PRORP: variants seen among roughly 807,000 people sequenced by gnomAD.
PRORP encodes mitochondrial ribonuclease P catalytic subunit.
PRORP carries 51 observed loss-of-function variants against 59.4 expected under a neutral mutation model. The observed-to-expected ratio is 0.86, with a 90% CI of 0.69 to 1.08. The LOEUF (loss-of-function observed/expected upper bound fraction) is 1.08. Ranked by LOEUF, PRORP falls within the 50% of genes least tolerant of loss-of-function variation. PRORP has a pLI of 0.00. For missense variants in PRORP, 646 were observed against 690.3 expected (o/e 0.94, Z 0.72); for synonymous variants, 231 against 245.6 (o/e 0.94, Z 0.55).
chr14:35,236,842 C>G (rs148814911), intron 5 of PRORP, among the ~76,000 whole-genome samples: 1 of 152,294 alleles, frequency 6.6e-6, no homozygotes, highest in African/African-American at 2.4e-5. Context: ...GACATCTACA[C>G]CAATAGGTGG....
chr14:35,182,581 G>A (rs1454442368), intron 5 of PRORP, among the ~76,000 whole-genome samples: 3 of 152,304 alleles, frequency 2.0e-5, no homozygotes, highest in South Asian at 4.1e-4. Context: ...GGAGGTGGAG[G>A]TTGCAGTGAG....
intron 3 of PRORP, 25 bp from the exon 4 acceptor site, chr14:35,127,454 T>G: frequency 6.8e-7 from 1 of 1,480,362 alleles, no homozygotes; most frequent in East Asian, 2.5e-5. Context: ...ATTTAAATAT[T>G]ATTATTTAAC....
intron 5 of PRORP, among the ~76,000 whole-genome samples, chr14:35,253,239 C>T (rs769637635): frequency 6.6e-5 from 10 of 150,626 alleles, no homozygotes; most frequent in Admixed American, 4.0e-4. Flanking sequence ...GAGGTGGAGG[C>T]GAATCACTTG....
chr14:35,182,711 C>A (rs943365317), intron 5 of PRORP, among the ~76,000 whole-genome samples: 1 of 152,120 alleles, frequency 6.6e-6, no homozygotes, highest in African/African-American at 2.4e-5. Context: ...TTTATAGATA[C>A]ACAGATTAAA....
At chr14:35,163,635 T>G (rs1421739376) in intron 4 of PRORP, among the ~76,000 whole-genome samples, 3 of 152,206 alleles carry the variant, frequency 2.0e-5, no homozygotes, top group African/African-American at 7.2e-5. Flanking sequence ...CTTGTTGAAT[T>G]AAGTTCCTTG....
At position 35,229,411 on chromosome 14, in the gene PRORP, A is replaced by G. The variant is rs367862128; in HGVS notation, c.1276-37316A>G. Among the ~76,000 whole-genome samples the G allele has an allele frequency of 3.3e-5, 5 of 152,050 alleles. 1 individual carries two copies. The highest frequency in any genetic ancestry group is 1.5e-5 in the Non-Finnish European group (1 of 67,964). On this transcript the variant is annotated intron_variant, in intron 5 of 7. Transcript: ENST00000534898. ...GGTGTTTACTAGGTTTTCTTTTAGGATTTCTATAGTTTGAGGTTTTATGTT... is the reference window on the plus strand; with the variant it reads ...GGTGTTTACTAGGTTTTCTTTTAGGGTTTCTATAGTTTGAGGTTTTATGTT...
intron 4 of PRORP, among the ~76,000 whole-genome samples, chr14:35,137,150 A>T (rs1297292385): frequency 6.9e-6 from 1 of 145,776 alleles, no homozygotes; most frequent in Non-Finnish European, 1.5e-5. Context: ...TCTAATTTTA[A>T]GAAGTTTACA....
chr14:35,232,477 G>A (rs973443581), intron 5 of PRORP, among the ~76,000 whole-genome samples: 1 of 152,152 alleles, frequency 6.6e-6, no homozygotes, highest in African/African-American at 2.4e-5. Flanking sequence ...CCATGTAGAA[G>A]TTTTTGATAG....
chr14:35,179,721 G>A (rs1233911416), intron 4 of PRORP, among the ~76,000 whole-genome samples: 9 of 152,164 alleles, frequency 5.9e-5, no homozygotes, highest in Admixed American at 5.9e-4. Context: ...ATCGTCTGAA[G>A]CCTTCTTCTC....
intron 5 of PRORP, among the ~76,000 whole-genome samples, chr14:35,194,981 C>T (rs957883002): frequency 1.4e-4 from 2 of 14,378 alleles, no homozygotes; most frequent in Non-Finnish European, 3.1e-4. Context: ...AAGTTCCTCT[C>T]ACACATGATT....
intron 5 of PRORP, among the ~76,000 whole-genome samples, chr14:35,246,009 T>C (rs1397121181): frequency 6.6e-6 from 1 of 152,198 alleles, no homozygotes; most frequent in South Asian, 2.1e-4. Context: ...AGAAATAATA[T>C]TATTTCAGAA....
Position 35,202,741 on chromosome 14 carries a change from C to T in PRORP, c.1275+21964C>T, listed in dbSNP as rs369345551. Among the ~76,000 whole-genome samples, 17 of 152,174 alleles carry T rather than the reference C, an allele frequency of 1.1e-4. 1 individual carries two copies. Among genetic ancestry groups the T allele is most frequent in the Middle Eastern group, 3.4e-3 (1 of 294 alleles). ...AACTCCTGGACTCAAGCAGTCCTTCCGCCTCAGCCTCCTGAGTAGCTAGGA... is the reference window on the plus strand; with the variant it reads ...AACTCCTGGACTCAAGCAGTCCTTCTGCCTCAGCCTCCTGAGTAGCTAGGA... On this transcript the variant is annotated intron_variant, in intron 5 of 7. Transcript: ENST00000534898.
At chr14:35,121,868 G>A (rs775915733), upstream of PRORP, 1 of 1,612,996 alleles carries the variant, frequency 6.2e-7, no homozygotes, top group Admixed American at 1.7e-5. Flanking sequence ...TTAGGGCCGG[G>A]CCATCCCAAC....
chr14:35,257,278 G>C (rs139770289), intron 5 of PRORP, among the ~76,000 whole-genome samples: 8 of 152,198 alleles, frequency 5.3e-5, no homozygotes, highest in African/African-American at 1.9e-4. Flanking sequence ...ATGTTGTCGT[G>C]CAACTGTTGC....
chr14:35,208,149 CA>C (rs746541203), intron 5 of PRORP, among the ~76,000 whole-genome samples: 5,716 of 135,530 alleles, frequency 0.042, 146 homozygotes, highest in Non-Finnish European at 0.056. Context: ...GACTCCATCT[CA>C]AAAAAAAAAA....
rs151035317 is a variant in PRORP, at chr14:35,165,796, C to T, written c.1168-14874C>T. On this transcript the variant is annotated intron_variant, in intron 4 of 7. Coordinates refer to ENST00000534898, the MANE Select transcript of PRORP (RefSeq NM_014672.4). ...CTGGGTTTAAGCAATTCTCCTGCCT[C>T]AGCCTCCTGAATAGTTGGGATTACA... Among the ~76,000 whole-genome samples, 82 of 152,178 alleles carry T rather than the reference C, an allele frequency of 5.4e-4. 1 individual carries two copies. The East Asian group carries it at 0.013, about 25-fold the overall frequency.
intron 4 of PRORP, chr14:35,158,894 A>C (rs2047988648): frequency 3.3e-6 from 1 of 303,532 alleles, no homozygotes; most frequent in African/African-American, 2.3e-5. Flanking sequence ...GAGTTGATTA[A>C]TGTTGTCTTT....
intron 4 of PRORP, among the ~76,000 whole-genome samples, chr14:35,140,793 C>A (rs943396108): frequency 2.1e-5 from 3 of 145,696 alleles, no homozygotes; most frequent in African/African-American, 7.3e-5. Flanking sequence ...TAAAGTATGG[C>A]AGCTTCTTTT....
chr14:35,266,950 CCTAT>C, intron 6 of PRORP, 75 bp downstream of exon 6: 1 of 1,481,996 alleles, frequency 6.7e-7, no homozygotes, highest in Non-Finnish European at 9.2e-7. Context: ...CTACTTTAAA[CCTAT>C]CTTTTAAATG....
Sources: allele counts gnomAD v4.1 joint callset (sites outside exome capture counted in the v4.1 genomes callset), GRCh38; gene constraint gnomAD v4.1.1; transcripts MANE v1.5; gene names NCBI Gene and HGNC (gene_info 2026-07-23, HGNC 2026-07-21).